Variants in LYRM4 observed in about 807,000 individuals in gnomAD.
LYRM4 encodes the protein LYR motif containing 4.
Under a neutral mutation model 11.7 loss-of-function variants are expected in LYRM4, and 9 were observed. That is an observed-to-expected ratio of 0.77 (90% CI 0.46 to 1.34). LYRM4 has a LOEUF of 1.34. Ranked by LOEUF, LYRM4 falls within the 40% of genes most tolerant of loss-of-function variation. The pLI is 0.00. For synonymous variants in LYRM4, 42 were observed against 40.4 expected (o/e 1.04, Z -0.15); for missense variants, 133 against 112.5 (o/e 1.18, Z -0.82).
At chr6:5,062,331 CAT>C in the LYRM4 span, among the ~76,000 whole-genome samples, 64 of 148,516 alleles carry the variant, frequency 4.3e-4, no homozygotes, top group Non-Finnish European at 5.9e-4. Context: ...CATATATTAA[CAT>C]ATATATATAT....
At chr6:5,145,319 C>T (rs1367274641) in intron 2 of LYRM4, among the ~76,000 whole-genome samples, 1 of 152,244 alleles carries the variant, frequency 6.6e-6, no homozygotes, top group African/African-American at 2.4e-5. Context: ...CCAGGCATTT[C>T]CATGTGGGGG....
chr6:5,047,925 G>A, the LYRM4 span, among the ~76,000 whole-genome samples: 1 of 152,148 alleles, frequency 6.6e-6, no homozygotes, highest in Non-Finnish European at 1.5e-5. Context: ...AGGGTTCCCA[G>A]GTCTGCTTCC....
At chr6:5,077,782 A>C in the LYRM4 span, among the ~76,000 whole-genome samples, 1 of 152,176 alleles carries the variant, frequency 6.6e-6, no homozygotes, top group East Asian at 1.9e-4. Context: ...TATTACTGAA[A>C]ACAGCATGTA....
intron 2 of LYRM4, among the ~76,000 whole-genome samples, chr6:5,154,303 T>C (rs7761816): frequency 0.03 from 4,498 of 152,308 alleles, 125 homozygotes; most frequent in African/African-American, 0.07. Context: ...AGGAACTCCA[T>C]ATAACACCTG....
the LYRM4 span, among the ~76,000 whole-genome samples, chr6:5,082,681 G>A: frequency 6.6e-6 from 1 of 152,222 alleles, no homozygotes; most frequent in Non-Finnish European, 1.5e-5. Flanking sequence ...TCTTTGTCCT[G>A]TATCCAGAAT....
chr6:5,199,652 C>G (rs1353539123), intron 2 of LYRM4, among the ~76,000 whole-genome samples: 2 of 152,080 alleles, frequency 1.3e-5, no homozygotes, highest in African/African-American at 4.8e-5. Flanking sequence ...CTTGAATGGC[C>G]CTGAAGTTGA....
chr6:5,072,035 G>T, the LYRM4 span, among the ~76,000 whole-genome samples: 1 of 152,042 alleles, frequency 6.6e-6, no homozygotes, highest in African/African-American at 2.4e-5. Flanking sequence ...GTGCCCATGT[G>T]TTCTCATCAC....
intron 1 of LYRM4, among the ~76,000 whole-genome samples, chr6:5,239,410 A>G (rs528510809): frequency 6.6e-6 from 1 of 152,156 alleles, no homozygotes; most frequent in South Asian, 2.1e-4. Context: ...TAACCAGAAA[A>G]TGCCCAGGAG....
chr6:5,252,050 C>T (rs1367495881), intron 1 of LYRM4, among the ~76,000 whole-genome samples: 1 of 152,166 alleles, frequency 6.6e-6, no homozygotes, highest in Non-Finnish European at 1.5e-5. Context: ...TTGTGTAGTA[C>T]ATAGTAAGCG....
chr6:5,074,917 G>A, the LYRM4 span, among the ~76,000 whole-genome samples: 1 of 152,154 alleles, frequency 6.6e-6, no homozygotes, highest in Non-Finnish European at 1.5e-5. Flanking sequence ...TTGGTGAGAG[G>A]TGATTGGATT....
the LYRM4 span, among the ~76,000 whole-genome samples, chr6:5,095,841 G>A: frequency 1.3e-5 from 2 of 152,060 alleles, no homozygotes; most frequent in Non-Finnish European, 2.9e-5. Flanking sequence ...TTAGCCAGGC[G>A]TGGTGGCTCA....
intron 1 of LYRM4, among the ~76,000 whole-genome samples, chr6:5,244,631 G>T (rs2753224): frequency 0.3 from 44,842 of 151,874 alleles, 8,553 homozygotes; most frequent in African/African-American, 0.54. Context: ...AGGAGAAGCA[G>T]TTCTGACCTA....
intron 2 of LYRM4, among the ~76,000 whole-genome samples, chr6:5,182,935 C>T (rs550500887): frequency 6.6e-6 from 1 of 152,308 alleles, no homozygotes; most frequent in Admixed American, 6.5e-5. Context: ...AATCTGCATG[C>T]ATGATTTTTA....
At chr6:5,243,463 G>A (rs932172324) in intron 1 of LYRM4, among the ~76,000 whole-genome samples, 6 of 152,182 alleles carry the variant, frequency 3.9e-5, no homozygotes, top group South Asian at 2.1e-4. Context: ...AACAGGTTGC[G>A]CTGAAAGGCA....
Position 5,250,679 on chromosome 6 carries a change from G to A in LYRM4, c.86+9969C>T, listed in dbSNP as rs77751672. Among the ~76,000 whole-genome samples, 187 of 152,104 alleles carry A rather than the reference G, an allele frequency of 1.2e-3. 2 individuals carry two copies. In the East Asian group the frequency reaches 0.035, roughly 28 times the overall value. On this transcript the variant is annotated intron_variant, in intron 1 of 2. Coordinates refer to ENST00000330636, the MANE Select transcript of LYRM4 (RefSeq NM_020408.6). ...TAACAATAGTTCTTTGTAATACAGC[G>A]CCACAGGCTCTATATGAAATCCAGT...
chr6:5,153,368 A>G (rs927926388), intron 2 of LYRM4, among the ~76,000 whole-genome samples: 8 of 152,154 alleles, frequency 5.3e-5, no homozygotes, highest in Non-Finnish European at 1.5e-5. Flanking sequence ...TGGGATTACA[A>G]GTGTGAACCA....
the LYRM4 span, among the ~76,000 whole-genome samples, chr6:5,077,184 A>G: frequency 2.6e-5 from 4 of 152,216 alleles, no homozygotes; most frequent in African/African-American, 9.6e-5. Context: ...CAGGTCAGCC[A>G]CGCCGTCTAC....
chr6:5,159,958 C>T (rs948773241), intron 2 of LYRM4, among the ~76,000 whole-genome samples: 1 of 152,150 alleles, frequency 6.6e-6, no homozygotes, highest in South Asian at 2.1e-4. Context: ...TGTTTTTCTT[C>T]CATTTTAGTT....
At chr6:5,259,850 C>T (rs1255725793) in intron 1 of LYRM4, among the ~76,000 whole-genome samples, 1 of 152,052 alleles carries the variant, frequency 6.6e-6, no homozygotes, top group Non-Finnish European at 1.5e-5. Flanking sequence ...GAGAGAGAAT[C>T]CATAAGAAAA....
Sources: allele counts gnomAD v4.1 joint callset (sites outside exome capture counted in the v4.1 genomes callset), GRCh38; gene constraint gnomAD v4.1.1; transcripts MANE v1.5; gene names NCBI Gene and HGNC (gene_info 2026-07-23, HGNC 2026-07-21).